The following MAP4K5 variants were observed in gnomAD, a reference collection of about 807,000 sequenced individuals.
MAP4K5 encodes MAPK/ERK kinase kinase kinase 5.
A neutral mutation model predicts 135.6 loss-of-function variants in MAP4K5; 82 were observed. The ratio of observed to expected loss-of-function variants is 0.60; its 90% CI spans 0.51 to 0.73. MAP4K5 has a LOEUF of 0.73. Among genes scored for constraint, MAP4K5 ranks in the 30% least tolerant of loss-of-function variants. MAP4K5 has a pLI of 0.00. For missense variants in MAP4K5, 907 were observed against 1,010.9 expected (o/e 0.90, Z 1.39); for synonymous variants, 347 against 335.0 (o/e 1.04, Z -0.39).
At chr14:50,515,894 T>C (rs940128424) in intron 2 of MAP4K5, among the ~76,000 whole-genome samples, 5 of 152,186 alleles carry the variant, frequency 3.3e-5, no homozygotes, top group African/African-American at 1.2e-4. Context: ...CCTACATCCA[T>C]GGAAACCTGA....
intron 2 of MAP4K5, among the ~76,000 whole-genome samples, chr14:50,513,519 C>A (rs1428652459): frequency 2.0e-5 from 3 of 151,510 alleles, no homozygotes; most frequent in Non-Finnish European, 4.4e-5. Flanking sequence ...TTGGAAGACA[C>A]GAATCAATAC....
In MAP4K5 at chr14:50,551,748, A is replaced by G. The variant is rs150448801; in HGVS notation, c.-179-9164T>C. Reference sequence around the variant, plus strand: ...TGCAAATCAATAAATGTAATACATCATATAAACAAAAATTATGTGATAATC... The same window carrying G: ...TGCAAATCAATAAATGTAATACATCGTATAAACAAAAATTATGTGATAATC... On this transcript the variant is annotated intron_variant, in intron 1 of 8. Coordinates refer to the MAP4K5 transcript ENST00000555216. 2.0e-5 allele frequency among the ~76,000 whole-genome samples: 3 copies of G among 152,270 alleles called. No homozygotes were observed. The East Asian group carries it at 5.8e-4, about 29-fold the overall frequency.
At chr14:50,446,345 T>C (rs1477152881) in intron 16 of MAP4K5, among the ~76,000 whole-genome samples, 1 of 152,214 alleles carries the variant, frequency 6.6e-6, no homozygotes, top group Non-Finnish European at 1.5e-5. Context: ...AGTCTTATTT[T>C]ACTTTTATGG....
chr14:50,539,187 A>C (rs2038531075), intron 2 of MAP4K5, among the ~76,000 whole-genome samples: 1 of 152,266 alleles, frequency 6.6e-6, no homozygotes, highest in Non-Finnish European at 1.5e-5. Flanking sequence ...GGTATCCTGT[A>C]GCATGGAGTG....
chr14:50,476,846 A>G (rs1015138229), intron 6 of MAP4K5, among the ~76,000 whole-genome samples: 3 of 152,200 alleles, frequency 2.0e-5, no homozygotes, highest in Non-Finnish European at 4.4e-5. Flanking sequence ...AATTACTCCT[A>G]AAAGTTTCCT....
chr14:50,428,972 T>C (rs1447266803), intron 29 of MAP4K5, among the ~76,000 whole-genome samples: 1 of 152,206 alleles, frequency 6.6e-6, no homozygotes, highest in Non-Finnish European at 1.5e-5. Flanking sequence ...ATATACTGAA[T>C]ATTTACACTC....
At position 50,429,086 on chromosome 14, in the gene MAP4K5, A is replaced by C. The variant is rs1025558128; in HGVS notation, c.2233+106T>G. 2.2e-5 allele frequency: 16 copies of C among 718,222 alleles called. No individual in the cohort carries two copies. The African/African-American group carries it at 2.9e-4, about 13-fold the overall frequency. The allele number at this position is 718,222 out of a possible 1,614,324, so 44.5% of individuals were successfully genotyped here. ...CGCTTACAAATTACACATGATAAGT[A>C]ACATTTTTAGTAAAAACAGTAAAAA... On this transcript the variant is annotated intron_variant, in intron 29 of 32. Transcript: ENST00000682126.
upstream of MAP4K5, among the ~76,000 whole-genome samples, chr14:50,534,407 C>G (rs1342359565): frequency 6.6e-6 from 1 of 152,188 alleles, no homozygotes; most frequent in East Asian, 1.9e-4. Context: ...TTTCCTAATG[C>G]AAAGACTTCC....
chr14:50,497,222 T>C (rs974713190), intron 3 of MAP4K5, among the ~76,000 whole-genome samples: 1 of 152,224 alleles, frequency 6.6e-6, no homozygotes, highest in Non-Finnish European at 1.5e-5. Flanking sequence ...ATATGGTTTT[T>C]TTCCATTGAG....
intron 14 of MAP4K5, among the ~76,000 whole-genome samples, chr14:50,455,744 T>A (rs2036583106): frequency 6.6e-6 from 1 of 152,142 alleles, no homozygotes; most frequent in Non-Finnish European, 1.5e-5. Context: ...TAGTATGGTT[T>A]ACAATTTTAT....
chr14:50,520,604 A>G (rs1396144333), intron 2 of MAP4K5, among the ~76,000 whole-genome samples: 1 of 152,220 alleles, frequency 6.6e-6, no homozygotes, highest in African/African-American at 2.4e-5. Flanking sequence ...AAGGCAGGTT[A>G]TTCTATCTGC....
intron 10 of MAP4K5, among the ~76,000 whole-genome samples, chr14:50,467,413 T>A (rs1020266147): frequency 3.3e-5 from 5 of 152,110 alleles, no homozygotes; most frequent in African/African-American, 1.2e-4. Context: ...CTAATCTCTT[T>A]AAAACATTTT....
At chr14:50,535,834 A>T (rs1174584574), upstream of MAP4K5, among the ~76,000 whole-genome samples, 1 of 152,080 alleles carries the variant, frequency 6.6e-6, no homozygotes, top group Non-Finnish European at 1.5e-5. Flanking sequence ...CCCAAATCTC[A>T]TCTTGAATTC....
At chr14:50,476,783 C>A (rs1398536879) in intron 6 of MAP4K5, among the ~76,000 whole-genome samples, 1 of 152,120 alleles carries the variant, frequency 6.6e-6, no homozygotes, top group Non-Finnish European at 1.5e-5. Context: ...AATTTATTTT[C>A]TGATAAAAAT....
At chr14:50,423,049 G>T in intron 32 of MAP4K5, 72 bp downstream of exon 32, 1 of 668,910 alleles carries the variant, frequency 1.5e-6, no homozygotes, top group South Asian at 2.3e-5. Flanking sequence ...AACAATTACA[G>T]ACTGACAGTA....
intron 2 of MAP4K5, among the ~76,000 whole-genome samples, chr14:50,542,006 CAAAAAAAAAAAAAAAAAAAAAAAAAAAA>C (rs59075218): frequency 6.4e-5 from 4 of 62,476 alleles, no homozygotes; most frequent in Non-Finnish European, 8.2e-5. Context: ...GATTCCGTCT[CAAAAAAAAAAAAAAAAAAAAAAAAAAAA>C]AAAAAAAAAA....
chr14:50,473,508 T>C (rs898468006), intron 9 of MAP4K5, among the ~76,000 whole-genome samples: 16 of 152,158 alleles, frequency 1.1e-4, no homozygotes, highest in African/African-American at 3.4e-4. Context: ...ATATGAAAAA[T>C]ATTAAACCTA....
At chr14:50,558,636 T>G (rs1251778335) in intron 1 of MAP4K5, among the ~76,000 whole-genome samples, 1 of 152,240 alleles carries the variant, frequency 6.6e-6, no homozygotes, top group East Asian at 1.9e-4. Flanking sequence ...GGTGTTGAAT[T>G]ATATAAATTT....
At chr14:50,477,978 C>G (rs531486391) in intron 6 of MAP4K5, among the ~76,000 whole-genome samples, 1 of 151,978 alleles carries the variant, frequency 6.6e-6, no homozygotes, top group African/African-American at 2.4e-5. Flanking sequence ...CAAAATGATT[C>G]GGGAGTTATT....
Sources: allele counts gnomAD v4.1 joint callset (sites outside exome capture counted in the v4.1 genomes callset), GRCh38; gene constraint gnomAD v4.1.1; transcripts MANE v1.5; gene names NCBI Gene and HGNC (gene_info 2026-07-23, HGNC 2026-07-21).